The following RUNX1 variants were observed in gnomAD, a reference collection of about 807,000 sequenced individuals.
RUNX1 encodes runt-related transcription factor 1.
A neutral mutation model predicts 42.8 loss-of-function variants in RUNX1; 19 were observed. That is an observed-to-expected ratio of 0.44 (90% CI 0.31 to 0.65). The LOEUF (loss-of-function observed/expected upper bound fraction) is 0.65, where lower values mean the gene tolerates loss of function less well. Ranked by LOEUF, RUNX1 falls within the 30% of genes least tolerant of loss-of-function variation. The pLI, the probability that RUNX1 is intolerant of heterozygous loss-of-function variation, is 0.07. For synonymous variants in RUNX1, 271 were observed against 289.4 expected, an observed-to-expected ratio of 0.94 and a Z score of 0.64; for missense variants, 528 against 672.0, an observed-to-expected ratio of 0.79 and a Z score of 2.37.
chr21:34,995,406 T>C (rs2058986650), intron 2 of RUNX1, among the ~76,000 whole-genome samples: 1 of 151,824 alleles, frequency 6.6e-6, no homozygotes, highest in Non-Finnish European at 1.5e-5. Flanking sequence ...CTTGACCTCT[T>C]TGAAATAAAG....
intron 2 of RUNX1, among the ~76,000 whole-genome samples, chr21:34,929,989 T>C (rs781558725): frequency 6.6e-6 from 1 of 151,828 alleles, no homozygotes; most frequent in Non-Finnish European, 1.5e-5. Context: ...TACAACTCTT[T>C]ATTTTGTAAG....
chr21:34,886,690 C>A (rs183529483), intron 4 of RUNX1, among the ~76,000 whole-genome samples, 153 bp downstream of exon 4: 2 of 152,376 alleles, frequency 1.3e-5, no homozygotes, highest in African/African-American at 4.8e-5. Context: ...GGCAACACAG[C>A]ATCCCCCACA....
chr21:34,839,028 T>G (rs1168330785), intron 6 of RUNX1, among the ~76,000 whole-genome samples: 1 of 152,094 alleles, frequency 6.6e-6, no homozygotes, highest in Admixed American at 6.5e-5. Context: ...GTAGCCTCAC[T>G]TTCCCCCACC....
chr21:34,982,716 C>T (rs769608364), intron 2 of RUNX1, among the ~76,000 whole-genome samples: 7 of 152,020 alleles, frequency 4.6e-5, no homozygotes, highest in African/African-American at 7.3e-5. Context: ...ATTACAGGCG[C>T]GTGCCACAAC....
chr21:35,009,795 G>A (rs1430075395), intron 2 of RUNX1, among the ~76,000 whole-genome samples: 2 of 152,198 alleles, frequency 1.3e-5, no homozygotes, highest in Non-Finnish European at 2.9e-5. Flanking sequence ...CTTAAAGGGT[G>A]ACTCTAATTT....
intron 2 of RUNX1, among the ~76,000 whole-genome samples, chr21:35,029,646 A>G (rs949744629): frequency 6.6e-6 from 1 of 152,148 alleles, no homozygotes; most frequent in African/African-American, 2.4e-5. Context: ...TCACAGGCCT[A>G]CTGCTCTTCC....
intron 5 of RUNX1, among the ~76,000 whole-genome samples, chr21:34,867,330 C>T (rs1456751904): frequency 6.6e-6 from 1 of 152,136 alleles, no homozygotes; most frequent in African/African-American, 2.4e-5. Context: ...GTCCCAGCTA[C>T]TTGGGAGGCT....
At chr21:34,913,785 T>G (rs573343095) in intron 2 of RUNX1, among the ~76,000 whole-genome samples, 2 of 152,312 alleles carry the variant, frequency 1.3e-5, no homozygotes, top group Admixed American at 6.5e-5. Context: ...GACACGAAGT[T>G]GTGTTTTGGC....
rs527452494 is a variant in RUNX1 at position 34,828,946 on chromosome 21, A to C, written c.805+5464T>G. ...CAACTTGATATTATTGATGTTGATCATAACAGCTAACAGTTTTTGAGTGTT... is the reference window on the plus strand; with the variant it reads ...CAACTTGATATTATTGATGTTGATCCTAACAGCTAACAGTTTTTGAGTGTT... On this transcript the variant is annotated intron_variant, in intron 7 of 8. Coordinates refer to ENST00000675419, the MANE Select transcript of RUNX1 (RefSeq NM_001754.5). Among the ~76,000 whole-genome samples the C allele has an allele frequency of 3.9e-5, 6 of 152,372 alleles. No individual in the cohort carries two copies. In the South Asian group the frequency reaches 1.2e-3, roughly 32 times the overall value.
intron 2 of RUNX1, among the ~76,000 whole-genome samples, chr21:34,975,370 A>G (rs977365184): frequency 3.3e-5 from 5 of 152,212 alleles, no homozygotes; most frequent in Admixed American, 3.3e-4. Context: ...ACATGCGCAG[A>G]CTTTTTTCCT....
chr21:35,020,250 T>C (rs993154475), intron 2 of RUNX1, among the ~76,000 whole-genome samples: 1 of 152,088 alleles, frequency 6.6e-6, no homozygotes, highest in African/African-American at 2.4e-5. Flanking sequence ...CCAGAGGACC[T>C]GGTAATAAAC....
rs556626911 is a variant in RUNX1, at chr21:34,889,765, C to G, written c.98-2669G>C. The G allele has an allele frequency of 4.1e-4, 477 of 1,155,240 alleles. 3 individuals carry two copies. In the African/African-American group the frequency reaches 7.3e-3, roughly 18 times the overall value. The allele number at this position is 1,155,240 out of a possible 1,614,324, so 71.6% of individuals were successfully genotyped here. Reference sequence around the variant, plus strand: ...TCGCGGAGCTCGGAGGGCCCCGCCCCCGGTCCGGCGTGCGCTGCCAACTCC... The same window carrying G: ...TCGCGGAGCTCGGAGGGCCCCGCCCGCGGTCCGGCGTGCGCTGCCAACTCC... On this transcript the variant is annotated intron_variant, in intron 3 of 8. Coordinates refer to ENST00000675419, the MANE Select transcript of RUNX1 (RefSeq NM_001754.5).
chr21:35,033,328 A>G (rs1429195924), intron 2 of RUNX1, among the ~76,000 whole-genome samples: 2 of 152,244 alleles, frequency 1.3e-5, no homozygotes, highest in Non-Finnish European at 2.9e-5. Context: ...GTAAGAGCAA[A>G]TAAACCAGAG....
At chr21:34,847,931 CT>C (rs1177174192) in intron 6 of RUNX1, among the ~76,000 whole-genome samples, 5 of 149,450 alleles carry the variant, frequency 3.3e-5, no homozygotes, top group East Asian at 2.0e-4. Flanking sequence ...TTTTTTTCTT[CT>C]TTTTTTTTAA....
At chr21:34,987,835 C>G (rs893987158) in intron 2 of RUNX1, among the ~76,000 whole-genome samples, 1 of 152,184 alleles carries the variant, frequency 6.6e-6, no homozygotes, top group Admixed American at 6.5e-5. Context: ...CTGGAAAATG[C>G]TAGCTTCGTG....
intron 7 of RUNX1, among the ~76,000 whole-genome samples, chr21:34,823,633 G>A (rs543058000): frequency 1.1e-4 from 17 of 152,002 alleles, no homozygotes; most frequent in Non-Finnish European, 2.2e-4. Context: ...TAGTAGAGAC[G>A]GGGTTTTGCC....
chr21:34,851,111 C>A (rs1237798157), intron 6 of RUNX1, among the ~76,000 whole-genome samples: 1 of 152,190 alleles, frequency 6.6e-6, no homozygotes, highest in Non-Finnish European at 1.5e-5. Context: ...AGACCTCAAC[C>A]CCTAGTCTTG....
chr21:34,900,412 G>C lies in RUNX1; in HGVS notation c.59-7449C>G, dbSNP rs1273112244. ...TTTTGCTACTAGTCTGCTAGTGCTT[G>C]AGTGAGCTGTTTTTAAACTGCTGTT... is the stretch of plus-strand genomic sequence containing the variant. On this transcript the variant is annotated intron_variant, in intron 2 of 8. Coordinates refer to ENST00000675419, the MANE Select transcript of RUNX1 (RefSeq NM_001754.5). Among the ~76,000 whole-genome samples the C allele has an allele frequency of 3.3e-5, 5 of 152,190 alleles. No individual in the cohort carries two copies. The East Asian group carries it at 9.6e-4, about 29-fold the overall frequency.
intron 7 of RUNX1, among the ~76,000 whole-genome samples, chr21:34,801,397 C>T (rs2056605926): frequency 2.0e-5 from 3 of 152,130 alleles, no homozygotes; most frequent in South Asian, 2.1e-4. Flanking sequence ...GTGAAAAAGT[C>T]GTGCTAGGCT....
Sources: gnomAD v4.1 joint callset for allele counts (sites outside exome capture counted in the v4.1 genomes callset) on GRCh38, gnomAD v4.1.1 for gene constraint, MANE v1.5 for transcripts, NCBI Gene and HGNC (gene_info 2026-07-23, HGNC 2026-07-21) for gene names.